Variants in ZNF600 observed in about 807,000 individuals in gnomAD.
ZNF600 encodes zinc finger protein KR-ZNF1.
Under a neutral mutation model 7.3 loss-of-function variants are expected in ZNF600, and 4 were observed. The ratio of observed to expected loss-of-function variants is 0.55; its 90% confidence interval spans 0.27 to 1.25. ZNF600 has a LOEUF of 1.25. Ranked by LOEUF, ZNF600 falls within the 50% of genes most tolerant of loss-of-function variation. The pLI, the probability that ZNF600 is intolerant of heterozygous loss-of-function variation, is 0.12. For synonymous variants in ZNF600, 290 were observed against 308.9 expected (o/e 0.94, Z 0.64); for missense variants, 911 against 922.1 (o/e 0.99, Z 0.16).
chr19:52,807,909 C>T, the ZNF600 span: 586 of 1,560,912 alleles, frequency 3.8e-4, 8 homozygotes, highest in East Asian at 0.01. Flanking sequence ...AAAATCAATA[C>T]GGCTTCCATT....
At chr19:52,786,211 C>A (rs1367760346) in intron 1 of ZNF600, among the ~76,000 whole-genome samples, 1 of 151,988 alleles carries the variant, frequency 6.6e-6, no homozygotes, top group Non-Finnish European at 1.5e-5. Context: ...CGACCCACCC[C>A]AACCCTGGCT....
Position 52,786,663 on chromosome 19 carries a change from C to T in ZNF600, c.-88G>A. ...AATTTCCAGGTCCGTGGGGATCCCA[C>T]GTCCCAGGGGCAGAAGCGCCGGGGA... On this transcript the variant is annotated 5_prime_UTR_variant, in exon 1 of 4. In the 5' UTR this introduces an upstream ATG that the reference lacks. Coordinates refer to ENST00000648973, the Ensembl canonical transcript of ZNF600. 1 of 210,940 alleles carries T rather than the reference C, an allele frequency of 4.7e-6. No individual in the cohort carries two copies. Among genetic ancestry groups the T allele is most frequent in the Non-Finnish European group, 1.1e-5 (1 of 92,292 alleles). 13.1% of individuals were successfully genotyped at this position (210,940 alleles called of 1,614,324 possible). A position where few individuals can be genotyped will look rare whatever the true frequency, so the allele number is the denominator to read the frequency against.
the ZNF600 span, chr19:52,797,315 T>C: frequency 6.6e-6 from 1 of 152,250 alleles, no homozygotes; most frequent in South Asian, 2.1e-4. Context: ...GGATCTCACA[T>C]GATGCAAGAA....
chr19:52,830,321 A>G, the ZNF600 span, among the ~76,000 whole-genome samples: 1 of 152,160 alleles, frequency 6.6e-6, no homozygotes. Context: ...ATTATTTCTC[A>G]AATAAGTTCT....
the ZNF600 span, chr19:52,798,735 G>A: frequency 2.9e-5 from 15 of 516,738 alleles, no homozygotes; most frequent in East Asian, 1.1e-4. Flanking sequence ...ATATATGAAC[G>A]ATATCTGAAA....
the ZNF600 span, among the ~76,000 whole-genome samples, chr19:52,812,383 A>G: frequency 7.2e-6 from 1 of 139,244 alleles, no homozygotes; most frequent in Admixed American, 7.1e-5. Context: ...GTGTGGATAG[A>G]AGTAGACATG....
the ZNF600 span, among the ~76,000 whole-genome samples, chr19:52,825,413 G>A: frequency 6.6e-5 from 10 of 152,096 alleles, no homozygotes; most frequent in African/African-American, 2.2e-4. Flanking sequence ...AGTGGCTCAC[G>A]CATGTAATCC....
the ZNF600 span, chr19:52,805,426 T>C: frequency 6.6e-6 from 1 of 151,714 alleles, no homozygotes; most frequent in South Asian, 2.1e-4. Context: ...AGATTGAGAC[T>C]ATCCTGGCCA....
At chr19:52,767,874 C>T (rs2062601814) in intron 3 of ZNF600, 102 bp from the exon 6 acceptor site, 2 of 1,421,756 alleles carry the variant, frequency 1.4e-6, no homozygotes, top group Non-Finnish European at 9.3e-7. Flanking sequence ...TTTTGAACTT[C>T]CCAAATATCA....
At chr19:52,830,538 GA>G in the ZNF600 span, among the ~76,000 whole-genome samples, 1 of 151,434 alleles carries the variant, frequency 6.6e-6, no homozygotes, top group Admixed American at 6.6e-5. Flanking sequence ...TACAAGGACT[GA>G]GCTGGGACAC....
At chr19:52,801,254 G>C in the ZNF600 span, 1 of 1,614,120 alleles carries the variant, frequency 6.2e-7, no homozygotes, top group Non-Finnish European at 8.5e-7. Context: ...ATGAAGAATG[G>C]AGGGAATTAT....
chr19:52,765,644 G>A lies in ZNF600; in HGVS notation c.2319C>T (p.Ser773=), dbSNP rs746247472. ...GATGGTGAATAAGTGTTGACTGCTTGCTAAAGGCTTTGCCACACTCATTAC... is the reference window on the plus strand; with the variant it reads ...GATGGTGAATAAGTGTTGACTGCTTACTAAAGGCTTTGCCACACTCATTAC... The change falls in exon 4 of 4, where the codon AGC becomes AGT. Residue 773 remains serine, a synonymous_variant. Transcript: ENST00000648973. 2.5e-6 allele frequency: 4 copies of A among 1,613,742 alleles called. No individual in the cohort carries two copies. In the South Asian group the frequency reaches 4.4e-5, roughly 18 times the overall value.
exon 4 of ZNF600, chr19:52,767,240 A>G (rs1222395190): frequency 1.2e-6 from 2 of 1,614,172 alleles, no homozygotes; most frequent in African/African-American, 1.3e-5. Flanking sequence ...GTGAGCTACA[A>G]TTAAAGGCTT....
the ZNF600 span, among the ~76,000 whole-genome samples, chr19:52,824,079 AAAT>A: frequency 3.3e-4 from 50 of 150,978 alleles, no homozygotes; most frequent in African/African-American, 9.0e-4. Flanking sequence ...AACAAAAAAT[AAAT>A]AATAATAATA....
At chr19:52,810,750 A>C in the ZNF600 span, 1 of 626,746 alleles carries the variant, frequency 1.6e-6, no homozygotes, top group Non-Finnish European at 2.8e-6. Context: ...AAGAGGAAAG[A>C]AGGGGAAAAA....
the ZNF600 span, among the ~76,000 whole-genome samples, chr19:52,806,779 G>A: frequency 1.3e-5 from 2 of 151,928 alleles, no homozygotes; most frequent in East Asian, 1.9e-4. Context: ...GTGAGCGCCT[G>A]CAGTTCCAGC....
chr19:52,766,354 T>G, exon 4 of ZNF600: 1 of 1,614,202 alleles, frequency 6.2e-7, no homozygotes, highest in Non-Finnish European at 8.5e-7. Context: ...TTGTATGGTT[T>G]CTCTCCGGTG....
At chr19:52,807,912 C>T in the ZNF600 span, 1 of 1,572,382 alleles carries the variant, frequency 6.4e-7, no homozygotes, top group Non-Finnish European at 8.7e-7. Flanking sequence ...ATCAATACGG[C>T]TTCCATTTTA....
At chr19:52,813,271 A>AAAAAAAAAAAAACAAAAT in the ZNF600 span, among the ~76,000 whole-genome samples, 1 of 147,508 alleles carries the variant, frequency 6.8e-6, no homozygotes, top group East Asian at 2.0e-4. Context: ...AAAAAAAAAA[A>AAAAAAAAAAAAACAAAAT]GACATACTGT....
Sources: allele counts gnomAD v4.1 joint callset (sites outside exome capture counted in the v4.1 genomes callset), GRCh38; gene constraint gnomAD v4.1.1; transcripts MANE v1.5; gene names NCBI Gene and HGNC (gene_info 2026-07-23, HGNC 2026-07-21).